SHISA9: variants seen among roughly 807,000 people sequenced by gnomAD.
The protein encoded by SHISA9 is protein shisa-9.
In SHISA9, 13 loss-of-function variants were observed where a neutral mutation model predicts 38.0. That is an observed-to-expected ratio of 0.34 (90% confidence interval 0.22 to 0.54). SHISA9 has a LOEUF of 0.54. Ranked by LOEUF, SHISA9 falls within the 20% of genes least tolerant of loss-of-function variation. SHISA9 has a pLI of 0.91. For synonymous variants in SHISA9, 275 were observed against 242.0 expected, an observed-to-expected ratio of 1.14 and a Z score of -1.27; for missense variants, 538 against 575.8, an observed-to-expected ratio of 0.93 and a Z score of 0.67.
At chr16:13,552,933 C>T in the SHISA9 span, among the ~76,000 whole-genome samples, 1 of 151,920 alleles carries the variant, frequency 6.6e-6, no homozygotes, top group African/African-American at 2.4e-5. Context: ...ACCACAGGCG[C>T]TATTGATCTC....
chr16:13,080,595 A>G (rs1180135260), intron 2 of SHISA9, among the ~76,000 whole-genome samples: 1 of 152,200 alleles, frequency 6.6e-6, no homozygotes, highest in Non-Finnish European at 1.5e-5. Flanking sequence ...AAAGAAGAGC[A>G]GGATTGAGAG....
the SHISA9 span, among the ~76,000 whole-genome samples, chr16:13,426,202 C>T: frequency 5.9e-5 from 9 of 152,160 alleles, no homozygotes. Context: ...TGGGAGCTTA[C>T]TACACGTCAG....
intron 2 of SHISA9, among the ~76,000 whole-genome samples, chr16:13,181,956 C>A (rs12930725): frequency 0.16 from 23,939 of 152,030 alleles, 1,993 homozygotes; most frequent in African/African-American, 0.22. Flanking sequence ...TTGTTCCATG[C>A]GAGCAATAAG....
intron 2 of SHISA9, among the ~76,000 whole-genome samples, chr16:13,067,205 G>A (rs552272004): frequency 1.8e-4 from 28 of 152,306 alleles, no homozygotes; most frequent in African/African-American, 6.0e-4. Context: ...ACTGGGTGTG[G>A]GATCTGGTCC....
At chr16:13,229,167 A>G (rs986341969) in intron 4 of SHISA9, among the ~76,000 whole-genome samples, 21 of 152,202 alleles carry the variant, frequency 1.4e-4, no homozygotes, top group Non-Finnish European at 2.6e-4. Context: ...CTCAAAAAAA[A>G]TTTGACTGAG....
intron 2 of SHISA9, among the ~76,000 whole-genome samples, chr16:13,083,228 GC>G (rs2073673399): frequency 1.3e-5 from 2 of 152,304 alleles, no homozygotes; most frequent in Middle Eastern, 3.4e-3. Context: ...GGGCTGGATG[GC>G]TACTCCAACA....
the SHISA9 span, among the ~76,000 whole-genome samples, chr16:13,468,451 G>A: frequency 6.6e-6 from 1 of 152,092 alleles, no homozygotes; most frequent in Non-Finnish European, 1.5e-5. Context: ...GTGATGCACA[G>A]ACTTATCCAT....
chr16:13,431,094 C>T, the SHISA9 span, among the ~76,000 whole-genome samples: 1 of 152,122 alleles, frequency 6.6e-6, no homozygotes, highest in African/African-American at 2.4e-5. Flanking sequence ...CCTCCAAGAC[C>T]CATCTCAGAT....
At chr16:13,208,406 T>C (rs1310954857) in intron 3 of SHISA9, among the ~76,000 whole-genome samples, 1 of 151,598 alleles carries the variant, frequency 6.6e-6, no homozygotes, top group Non-Finnish European at 1.5e-5. Context: ...CACTCATGTT[T>C]AAAGAGACCT....
chr16:13,393,315 G>A, the SHISA9 span, among the ~76,000 whole-genome samples: 1 of 152,078 alleles, frequency 6.6e-6, no homozygotes, highest in Non-Finnish European at 1.5e-5. Flanking sequence ...TTTTGAACAA[G>A]AGCCCAGCAT....
intron 2 of SHISA9, among the ~76,000 whole-genome samples, chr16:13,082,080 A>G (rs2073657461): frequency 1.3e-5 from 2 of 152,226 alleles, no homozygotes; most frequent in African/African-American, 4.8e-5. Context: ...AACGACTACA[A>G]CAACAACAGA....
the SHISA9 span, among the ~76,000 whole-genome samples, chr16:13,312,853 A>T: frequency 2.6e-5 from 4 of 152,190 alleles, no homozygotes; most frequent in Admixed American, 1.3e-4. Context: ...TATGGACTAA[A>T]GAGAGAATAT....
At chr16:12,975,641 G>A (rs12934361) in intron 2 of SHISA9, among the ~76,000 whole-genome samples, 41,014 of 146,502 alleles carry the variant, frequency 0.28, 7,156 homozygotes, top group Middle Eastern at 0.43. Flanking sequence ...GTAAATGGGT[G>A]GGGTGGGACG....
the SHISA9 span, chr16:13,474,261 A>G: frequency 3.3e-5 from 5 of 152,238 alleles, no homozygotes; most frequent in Admixed American, 3.3e-4. Context: ...AGCAGAAACA[A>G]ATCAATTCTG....
intron 2 of SHISA9, among the ~76,000 whole-genome samples, chr16:13,110,313 G>A (rs1156821582): frequency 2.0e-5 from 3 of 152,206 alleles, no homozygotes; most frequent in Non-Finnish European, 2.9e-5. Flanking sequence ...ACACAAAGAC[G>A]TCTGTGGCTG....
chr16:13,263,623 A>G, the SHISA9 span, among the ~76,000 whole-genome samples: 4 of 152,118 alleles, frequency 2.6e-5, no homozygotes, highest in African/African-American at 7.2e-5. Context: ...AATTAAACTT[A>G]TTTTCTTATA....
chr16:13,353,597 T>C, the SHISA9 span, among the ~76,000 whole-genome samples: 2 of 151,892 alleles, frequency 1.3e-5, no homozygotes, highest in Non-Finnish European at 2.9e-5. Context: ...TGGGGCACAG[T>C]CTAAGTTGGT....
intron 2 of SHISA9, among the ~76,000 whole-genome samples, chr16:12,936,318 A>G (rs371168613): frequency 6.6e-6 from 1 of 152,186 alleles, no homozygotes; most frequent in Non-Finnish European, 1.5e-5. Context: ...TCTGATTATA[A>G]TAATTTTCTA....
At chr16:13,201,254 C>A (rs536343887) in intron 2 of SHISA9, among the ~76,000 whole-genome samples, 5 of 134,490 alleles carry the variant, frequency 3.7e-5, no homozygotes, top group Admixed American at 3.7e-4. Flanking sequence ...TCCAAGGATA[C>A]CAATATCAAC....
Sources: gnomAD v4.1 joint callset for allele counts (sites outside exome capture counted in the v4.1 genomes callset) on GRCh38, gnomAD v4.1.1 for gene constraint, MANE v1.5 for transcripts, NCBI Gene and HGNC (gene_info 2026-07-23, HGNC 2026-07-21) for gene names.